The following RYR3 variants were observed in gnomAD, a reference collection of about 807,000 sequenced individuals.
RYR3 encodes ryanodine receptor 3.
Under a neutral mutation model 584.3 loss-of-function variants are expected in RYR3, and 207 were observed. The observed-to-expected ratio is 0.35, with a 90% CI of 0.32 to 0.40. RYR3 has a LOEUF of 0.40. RYR3 is among the 10% of genes least tolerant of loss of function. The probability of loss-of-function intolerance (pLI) is 1.00; values close to 1 mark genes in which losing one functional copy is unlikely to be tolerated. For missense variants in RYR3, 5,616 were observed against 6,089.2 expected (o/e 0.92, Z 2.59); for synonymous variants, 2,416 against 2,248.5 (o/e 1.07, Z -2.11).
intron 1 of RYR3, among the ~76,000 whole-genome samples, chr15:33,367,892 A>C (rs1214678805): frequency 6.6e-6 from 1 of 152,236 alleles, no homozygotes; most frequent in African/African-American, 2.4e-5. Context: ...TATTGCAGAG[A>C]TAACTTACTT....
Position 33,464,493 on chromosome 15 carries a change from C to CAT in RYR3, c.52-8916_52-8915dup, listed in dbSNP as rs761907118. On this transcript the variant is annotated intron_variant, in intron 1 of 103. Transcript: ENST00000634891. Reference sequence around the variant, plus strand: ...ATATATATATATATATATATATACACATATATATATACATACACATACACA... The same window carrying CAT: ...ATATATATATATATATATATATACACATATATATATATACATACACATACACA... 1.4e-4 allele frequency among the ~76,000 whole-genome samples: 15 copies of CAT among 107,300 alleles called. No homozygotes were observed. The East Asian group carries it at 1.7e-3, about 12-fold the overall frequency. The allele number at this position is 107,300 out of a possible 152,430, so 70.4% of individuals were successfully genotyped here. A position where few individuals can be genotyped will look rare whatever the true frequency, so the allele number is the denominator to read the frequency against.
intron 1 of RYR3, among the ~76,000 whole-genome samples, chr15:33,450,625 G>A (rs1290189746): frequency 2.7e-5 from 4 of 149,940 alleles, no homozygotes; most frequent in Admixed American, 2.7e-4. Context: ...TTAATACAAT[G>A]TCAGCTTATG....
intron 1 of RYR3, among the ~76,000 whole-genome samples, chr15:33,434,772 GGTAT>G (rs2045509718): frequency 6.6e-6 from 1 of 151,982 alleles, no homozygotes; most frequent in Non-Finnish European, 1.5e-5. Flanking sequence ...GTTTGCTGTA[GGTAT>G]TTCTCCCAAC....
chr15:33,764,451 T>C (rs1279073736), intron 60 of RYR3, among the ~76,000 whole-genome samples: 4 of 151,792 alleles, frequency 2.6e-5, no homozygotes, highest in South Asian at 2.1e-4. Flanking sequence ...AGGGGAGGGA[T>C]AGCATTAGGA....
rs148503477 is a variant in RYR3, at chr15:33,406,287, G to T, written c.52-67132G>T. 1.2e-3 allele frequency among the ~76,000 whole-genome samples: 176 copies of T among 152,300 alleles called. 1 individual carries two copies. The highest frequency in any genetic ancestry group is 6.8e-3 in the Middle Eastern group (2 of 294). ...TAGACAGGTGATTAGGGGAGAAGAA[G>T]TCCCAAGGAGTGGATCTATTGATAA... On this transcript the variant is annotated intron_variant, in intron 1 of 103. Transcript: ENST00000634891.
At chr15:33,446,353 A>C (rs1236651363) in intron 1 of RYR3, among the ~76,000 whole-genome samples, 2 of 152,224 alleles carry the variant, frequency 1.3e-5, no homozygotes, top group African/African-American at 2.4e-5. Context: ...GTTGGGTATG[A>C]AAATAAGCTT....
chr15:33,648,818 G>T (rs1288118090), intron 30 of RYR3, among the ~76,000 whole-genome samples: 1 of 152,216 alleles, frequency 6.6e-6, no homozygotes, highest in Non-Finnish European at 1.5e-5. Flanking sequence ...TCTGGGCAAA[G>T]GGTGGTAGAT....
intron 45 of RYR3, among the ~76,000 whole-genome samples, chr15:33,725,176 C>T (rs62012612): frequency 4.8e-5 from 6 of 124,624 alleles, no homozygotes; most frequent in Non-Finnish European, 8.9e-5. Context: ...CACACACACA[C>T]ACACACACAC....
intron 86 of RYR3, among the ~76,000 whole-genome samples, chr15:33,831,859 T>TATTC (rs1249211211): frequency 6.6e-6 from 1 of 152,232 alleles, no homozygotes; most frequent in African/African-American, 2.4e-5. Context: ...ATAGGGCTTT[T>TATTC]ATTCATTCAT....
At chr15:33,422,834 T>C (rs2044336055) in intron 1 of RYR3, among the ~76,000 whole-genome samples, 1 of 152,170 alleles carries the variant, frequency 6.6e-6, no homozygotes, top group South Asian at 2.1e-4. Context: ...GCCATTGAAT[T>C]GGTTTGAATA....
At chr15:33,502,255 C>T (rs77547168) in intron 2 of RYR3, among the ~76,000 whole-genome samples, 4,622 of 152,168 alleles carry the variant, frequency 0.03, 216 homozygotes, top group African/African-American at 0.1. Context: ...GAAGAATAAA[C>T]ACTCAGAAAT....
intron 16 of RYR3, among the ~76,000 whole-genome samples, chr15:33,600,672 G>GA (rs1371477199): frequency 6.6e-6 from 1 of 152,062 alleles, no homozygotes; most frequent in African/African-American, 2.4e-5. Context: ...GGGAGAAGGA[G>GA]AGCGGGTAAA....
At chr15:33,602,190 G>A (rs1343809243) in intron 17 of RYR3, among the ~76,000 whole-genome samples, 2 of 152,156 alleles carry the variant, frequency 1.3e-5, no homozygotes, top group Non-Finnish European at 2.9e-5. Flanking sequence ...GTGCAGAGTG[G>A]CCCAAAGACC....
intron 39 of RYR3, among the ~76,000 whole-genome samples, chr15:33,696,830 C>T (rs978536333): frequency 9.2e-5 from 14 of 152,260 alleles, no homozygotes; most frequent in Admixed American, 2.0e-4. Flanking sequence ...GCTTTTGACT[C>T]GAAATCTTCC....
chr15:33,465,863 C>T, intron 1 of RYR3: 1 of 500,498 alleles, frequency 2.0e-6, no homozygotes, highest in Non-Finnish European at 4.0e-6. Context: ...CACATGACCT[C>T]AAGATGTTTC....
intron 1 of RYR3, among the ~76,000 whole-genome samples, chr15:33,364,579 G>A (rs1975219421): frequency 6.6e-6 from 1 of 152,300 alleles, no homozygotes; most frequent in African/African-American, 2.4e-5. Context: ...TGGGCCTGTA[G>A]AGGCAGATGC....
At chr15:33,865,030 A>G in intron 103 of RYR3, 101 bp from the exon 104 acceptor site, 1 of 792,180 alleles carries the variant, frequency 1.3e-6, no homozygotes, top group Admixed American at 2.3e-5. Flanking sequence ...ATATAAATTC[A>G]CATCAGTCTT....
At chr15:33,332,781 G>A (rs889199206) in intron 1 of RYR3, among the ~76,000 whole-genome samples, 12 of 151,964 alleles carry the variant, frequency 7.9e-5, no homozygotes. Flanking sequence ...ATACCATATA[G>A]CAAAATATAT....
At chr15:33,845,107 G>C in intron 93 of RYR3, 45 bp downstream of exon 93, 1 of 1,599,192 alleles carries the variant, frequency 6.3e-7, no homozygotes, top group Non-Finnish European at 8.6e-7. Context: ...CCTTGAGGAA[G>C]AAATGTCCTT....
Sources: gnomAD v4.1 joint callset for allele counts (sites outside exome capture counted in the v4.1 genomes callset) on GRCh38, gnomAD v4.1.1 for gene constraint, MANE v1.5 for transcripts, NCBI Gene and HGNC (gene_info 2026-07-23, HGNC 2026-07-21) for gene names.